The following MAGI1 variants were observed in gnomAD, a reference collection of about 807,000 sequenced individuals.
MAGI1 encodes the protein membrane-associated guanylate kinase, WW and PDZ domain-containing protein 1.
MAGI1 carries 58 observed loss-of-function variants against 139.9 expected under a neutral mutation model. The observed-to-expected ratio is 0.41, with a 90% CI of 0.34 to 0.52. The LOEUF (loss-of-function observed/expected upper bound fraction) is 0.52. Among genes scored for constraint, MAGI1 ranks in the 20% least tolerant of loss-of-function variants. MAGI1 has a pLI of 0.12. For missense variants in MAGI1, 1,874 were observed against 1,901.6 expected, an observed-to-expected ratio of 0.99 and a Z score of 0.27; for synonymous variants, 812 against 737.9, an observed-to-expected ratio of 1.10 and a Z score of -1.63.
At chr3:65,939,607 G>T (rs778793694) in intron 1 of MAGI1, among the ~76,000 whole-genome samples, 5 of 152,148 alleles carry the variant, frequency 3.3e-5, no homozygotes, top group Non-Finnish European at 7.4e-5. Context: ...CATTAAGTAG[G>T]AGTGTCATAG....
At chr3:65,710,376 G>A (rs1191890495) in intron 1 of MAGI1, among the ~76,000 whole-genome samples, 1 of 146,386 alleles carries the variant, frequency 6.8e-6, no homozygotes, top group African/African-American at 2.6e-5. Context: ...CGCCTCCCAG[G>A]TTCAAGCAAT....
intron 10 of MAGI1, among the ~76,000 whole-genome samples, chr3:65,433,224 T>G (rs185198459): frequency 6.6e-6 from 1 of 152,308 alleles, no homozygotes; most frequent in African/African-American, 2.4e-5. Context: ...ATTTATCATG[T>G]CTTTGAGAAG....
intron 21 of MAGI1, among the ~76,000 whole-genome samples, chr3:65,363,201 A>G (rs1941066426): frequency 6.6e-6 from 1 of 152,174 alleles, no homozygotes; most frequent in Non-Finnish European, 1.5e-5. Context: ...AAAAATATCT[A>G]CTTTAATATA....
At chr3:65,721,493 G>A (rs1261725324) in intron 1 of MAGI1, among the ~76,000 whole-genome samples, 1 of 152,186 alleles carries the variant, frequency 6.6e-6, no homozygotes, top group Non-Finnish European at 1.5e-5. Flanking sequence ...TGACATTCAA[G>A]TTCACCACTG....
At chr3:65,612,739 A>G (rs1437618959) in intron 2 of MAGI1, among the ~76,000 whole-genome samples, 2 of 152,182 alleles carry the variant, frequency 1.3e-5, no homozygotes, top group Non-Finnish European at 2.9e-5. Context: ...CATTTGATAC[A>G]AGGAAATTTT....
intron 1 of MAGI1, among the ~76,000 whole-genome samples, chr3:65,720,405 G>T (rs989025243): frequency 6.6e-6 from 1 of 152,144 alleles, no homozygotes; most frequent in Non-Finnish European, 1.5e-5. Flanking sequence ...ACTTGGCTCT[G>T]TTCTCCAGGC....
chr3:65,477,376 T>C (rs1005617191), intron 4 of MAGI1, among the ~76,000 whole-genome samples: 3 of 152,176 alleles, frequency 2.0e-5, no homozygotes, highest in Non-Finnish European at 2.9e-5. Flanking sequence ...TCCACCTTCA[T>C]TGGAGCTGAT....
intron 1 of MAGI1, among the ~76,000 whole-genome samples, chr3:65,951,669 A>C (rs1420738386): frequency 2.6e-5 from 4 of 152,190 alleles, no homozygotes; most frequent in Non-Finnish European, 5.9e-5. Flanking sequence ...TTAAATTACA[A>C]GTGGTTCGCA....
rs139996679 is a variant in MAGI1 at position 65,972,046 on chromosome 3, G to C, written c.313+65950C>G. Among the ~76,000 whole-genome samples, 393 of 152,334 alleles carry C rather than the reference G, an allele frequency of 2.6e-3. 2 individuals are homozygous for C. Among genetic ancestry groups the C allele is most frequent in the African/African-American group, 8.7e-3 (360 of 41,574 alleles). ...GACTATTCTAGGAAATAAGAAAGGA[G>C]GTGCTTGGGCAAGGCTTGCTCAGGC... On this transcript the variant is annotated intron_variant, in intron 1 of 22. Transcript: ENST00000402939.
chr3:65,818,430 C>T (rs1332222436), intron 1 of MAGI1, among the ~76,000 whole-genome samples: 4 of 152,100 alleles, frequency 2.6e-5, no homozygotes, highest in Non-Finnish European at 5.9e-5. Context: ...GTAAGCACAG[C>T]GTGCAGTCAG....
chr3:65,506,156 G>C (rs2077279156), intron 2 of MAGI1, among the ~76,000 whole-genome samples: 1 of 152,072 alleles, frequency 6.6e-6, no homozygotes, highest in African/African-American at 2.4e-5. Context: ...CTCAGCTCTG[G>C]TATTTGCAAA....
chr3:65,958,797 G>C (rs905873474), intron 1 of MAGI1, among the ~76,000 whole-genome samples: 2 of 152,126 alleles, frequency 1.3e-5, no homozygotes, highest in African/African-American at 2.4e-5. Context: ...GACCAGCCTA[G>C]CCAACATGGT....
chr3:65,721,766 A>C (rs1424905312), intron 1 of MAGI1, among the ~76,000 whole-genome samples: 3 of 152,156 alleles, frequency 2.0e-5, no homozygotes, highest in Admixed American at 1.3e-4. Context: ...TTATGGAATT[A>C]AATCATTGCA....
intron 2 of MAGI1, among the ~76,000 whole-genome samples, chr3:65,605,768 A>G (rs867948478): frequency 6.6e-6 from 1 of 152,208 alleles, no homozygotes; most frequent in Non-Finnish European, 1.5e-5. Flanking sequence ...CTCAGGTTCA[A>G]TGGTAGATTA....
At chr3:65,998,964 A>C (rs1233624541) in intron 1 of MAGI1, among the ~76,000 whole-genome samples, 1 of 152,210 alleles carries the variant, frequency 6.6e-6, no homozygotes, top group Non-Finnish European at 1.5e-5. Context: ...AGAGAATAGA[A>C]TCACATCTAA....
At chr3:65,761,968 G>T (rs1165678275) in intron 1 of MAGI1, among the ~76,000 whole-genome samples, 5 of 151,996 alleles carry the variant, frequency 3.3e-5, no homozygotes, top group Admixed American at 2.0e-4. Flanking sequence ...CACAAAATGG[G>T]GACTGCTTAA....
intron 1 of MAGI1, among the ~76,000 whole-genome samples, chr3:65,775,684 T>C (rs1220383454): frequency 6.6e-6 from 1 of 151,922 alleles, no homozygotes; most frequent in Admixed American, 6.6e-5. Flanking sequence ...CCCACACCTG[T>C]AATCCCAGCA....
intron 1 of MAGI1, among the ~76,000 whole-genome samples, chr3:65,967,413 C>T (rs376281501): frequency 1.1e-3 from 163 of 152,278 alleles, no homozygotes; most frequent in African/African-American, 3.5e-3. Context: ...AAAAAGGTTA[C>T]GCCAATAATG....
At chr3:66,004,302 T>C (rs1488677139) in intron 1 of MAGI1, among the ~76,000 whole-genome samples, 1 of 151,952 alleles carries the variant, frequency 6.6e-6, no homozygotes, top group Non-Finnish European at 1.5e-5. Context: ...CAGTTGGGGG[T>C]GACTTGATGG....
Sources: allele counts gnomAD v4.1 joint callset (sites outside exome capture counted in the v4.1 genomes callset), GRCh38; gene constraint gnomAD v4.1.1; transcripts MANE v1.5; gene names NCBI Gene and HGNC (gene_info 2026-07-23, HGNC 2026-07-21).